LRTM3: variants seen among roughly 807,000 people sequenced by gnomAD.
LRTM3 encodes the protein leucine-rich repeat transmembrane protein 3.
chr13:102,733,181 C>A, the LRTM3 span: 5 of 1,551,272 alleles, frequency 3.2e-6, no homozygotes, highest in African/African-American at 4.1e-5. Context: ...ATGTTCACAC[C>A]GTCGGATCAC....
chr13:102,746,023 T>C, the LRTM3 span: 2 of 1,551,146 alleles, frequency 1.3e-6, no homozygotes, highest in African/African-American at 1.4e-5. Context: ...CTTTGGGAGG[T>C]GGAATCTTAG....
the LRTM3 span, chr13:102,747,495 A>C: frequency 1.9e-6 from 3 of 1,550,180 alleles, no homozygotes; most frequent in Non-Finnish European, 8.7e-7. Flanking sequence ...TGCCTTTTAA[A>C]ATATGGTAAA....
At chr13:102,746,481 A>G in the LRTM3 span, 1 of 1,551,020 alleles carries the variant, frequency 6.4e-7, no homozygotes, top group Non-Finnish European at 8.7e-7. Context: ...TCAGGTACCA[A>G]TCCTTTAGTT....
chr13:102,748,439 T>C, the LRTM3 span: 8 of 1,551,240 alleles, frequency 5.2e-6, no homozygotes, highest in Admixed American at 2.0e-5. Context: ...ATCTTTTTGT[T>C]TCTGTGTATT....
chr13:102,734,023 T>G, the LRTM3 span: 13 of 1,551,450 alleles, frequency 8.4e-6, no homozygotes, highest in Middle Eastern at 1.7e-4. Flanking sequence ...GAGGAGGTGC[T>G]GACGGTATAG....
chr13:102,734,340 C>G, the LRTM3 span: 5 of 1,551,264 alleles, frequency 3.2e-6, no homozygotes, highest in Non-Finnish European at 4.4e-6. Flanking sequence ...GTCTTACCTC[C>G]AAGCCTTTCT....
chr13:102,743,561 A>G, the LRTM3 span: 2 of 1,549,732 alleles, frequency 1.3e-6, no homozygotes, highest in East Asian at 2.4e-5. Context: ...TGATAACTGT[A>G]TTGTGTTTAT....
chr13:102,753,216 T>C, the LRTM3 span, among the ~76,000 whole-genome samples: 5 of 151,900 alleles, frequency 3.3e-5, no homozygotes, highest in East Asian at 1.9e-4. Flanking sequence ...CAAACTAACA[T>C]AGGAACAGAA....
chr13:102,735,672 C>CTGTG, the LRTM3 span: 3 of 1,551,234 alleles, frequency 1.9e-6, no homozygotes, highest in Non-Finnish European at 2.6e-6. Flanking sequence ...TCTCCCTGTG[C>CTGTG]TGTGGGTTGC....
chr13:102,737,050 G>A, the LRTM3 span: 3 of 1,550,156 alleles, frequency 1.9e-6, no homozygotes, highest in Non-Finnish European at 1.7e-6. Flanking sequence ...TTTCTTTTAT[G>A]TTTGTTAGTA....
At chr13:102,752,961 A>G in the LRTM3 span, among the ~76,000 whole-genome samples, 1 of 152,218 alleles carries the variant, frequency 6.6e-6, no homozygotes, top group East Asian at 1.9e-4. Context: ...AAGAAGAGGA[A>G]ATTTGGACAC....
chr13:102,745,303 A>T, the LRTM3 span: 2 of 1,550,308 alleles, frequency 1.3e-6, no homozygotes, highest in South Asian at 1.2e-5. Context: ...AAGTAATACT[A>T]TCTTCATGTG....
chr13:102,749,238 G>A, the LRTM3 span: 30 of 1,550,592 alleles, frequency 1.9e-5, no homozygotes, highest in Middle Eastern at 3.3e-4. Flanking sequence ...TTAAGACTGA[G>A]TTTGCTTTTA....
chr13:102,747,306 T>C, the LRTM3 span: 2 of 1,548,584 alleles, frequency 1.3e-6, no homozygotes, highest in African/African-American at 1.4e-5. Context: ...GCTGCAATTT[T>C]ATCTTGCAGT....
the LRTM3 span, chr13:102,749,345 A>T: frequency 2.8e-5 from 43 of 1,551,256 alleles, no homozygotes; most frequent in Non-Finnish European, 3.6e-5. Context: ...TGATGAAACA[A>T]TTTGTTGCTG....
At chr13:102,742,626 G>C in the LRTM3 span, 2 of 1,550,474 alleles carry the variant, frequency 1.3e-6, no homozygotes, top group Non-Finnish European at 1.7e-6. Context: ...TTCTGTTTCT[G>C]CTCCTTATTA....
At chr13:102,757,760 A>G in the LRTM3 span, among the ~76,000 whole-genome samples, 1,019 of 152,260 alleles carry the variant, frequency 6.7e-3, 11 homozygotes, top group African/African-American at 0.023. Context: ...TATTTCTGTC[A>G]CTGTGTCACC....
At chr13:102,733,198 T>G in the LRTM3 span, 1 of 1,551,454 alleles carries the variant, frequency 6.4e-7, no homozygotes, top group Non-Finnish European at 8.7e-7. Flanking sequence ...TCACTTGCTT[T>G]TTCATGACAA....
chr13:102,758,339 G>C, the LRTM3 span: 1 of 1,030,842 alleles, frequency 9.7e-7, no homozygotes, highest in Non-Finnish European at 1.4e-6. Flanking sequence ...CAGAAGTAAA[G>C]GCAATTTTGA....
Sources: gnomAD v4.1 joint callset for allele counts (sites outside exome capture counted in the v4.1 genomes callset) on GRCh38, gnomAD v4.1.1 for gene constraint, MANE v1.5 for transcripts, NCBI Gene and HGNC (gene_info 2026-07-23, HGNC 2026-07-21) for gene names.